The following ANKS1B variants were observed in gnomAD, a reference collection of about 807,000 sequenced individuals.
ANKS1B encodes ankyrin repeat and sterile alpha motif domain-containing protein 1B.
A neutral mutation model predicts 148.3 loss-of-function variants in ANKS1B; 36 were observed. That is an observed-to-expected ratio of 0.24 (90% CI 0.19 to 0.32). The LOEUF is 0.32. Ranked by LOEUF, ANKS1B falls within the 10% of genes least tolerant of loss-of-function variation. ANKS1B has a pLI of 1.00. For missense variants in ANKS1B, 1,157 were observed against 1,542.6 expected (o/e 0.75, Z 4.19); for synonymous variants, 542 against 560.8 (o/e 0.97, Z 0.47).
chr12:99,846,631 T>C (rs942084784), intron 1 of ANKS1B, among the ~76,000 whole-genome samples: 2 of 152,160 alleles, frequency 1.3e-5, no homozygotes, highest in Non-Finnish European at 1.5e-5. Context: ...TTGCTCACCA[T>C]AGTTTCTTGA....
At chr12:99,369,496 C>T (rs2092963938) in intron 12 of ANKS1B, among the ~76,000 whole-genome samples, 1 of 152,010 alleles carries the variant, frequency 6.6e-6, no homozygotes, top group Non-Finnish European at 1.5e-5. Flanking sequence ...GAAAAAGCAG[C>T]TGCAAGGTCA....
Position 98,894,669 on chromosome 12 carries a change from G to A in ANKS1B, c.2779-62533C>T, listed in dbSNP as rs2099760124. On this transcript the variant is annotated intron_variant, in intron 17 of 26. Transcript: ENST00000683438. ...CTGGCCGCGAGCCGGGATCCGCGAG[G>A]GCTGGCGGGCTCTGGCCCCCGAGGA... 12 of 985,660 alleles carry A rather than the reference G, an allele frequency of 1.2e-5. No homozygotes were observed. The South Asian group carries it at 1.4e-4, about 12-fold the overall frequency. The allele number at this position is 985,660 out of a possible 1,614,324, so 61.1% of individuals were successfully genotyped here.
intron 10 of ANKS1B, among the ~76,000 whole-genome samples, chr12:99,502,100 A>T (rs914523638): frequency 1.6e-4 from 25 of 152,142 alleles, no homozygotes; most frequent in African/African-American, 6.0e-4. Context: ...TTGACTACTT[A>T]ATCAATACAT....
At chr12:99,133,925 G>A (rs570367264) in intron 15 of ANKS1B, among the ~76,000 whole-genome samples, 32 of 152,244 alleles carry the variant, frequency 2.1e-4, no homozygotes, top group Admixed American at 1.3e-3. Context: ...TGTTGTTACC[G>A]TGACGGTTTC....
intron 14 of ANKS1B, among the ~76,000 whole-genome samples, chr12:99,200,399 T>C (rs918026828): frequency 6.6e-6 from 1 of 152,228 alleles, no homozygotes; most frequent in Non-Finnish European, 1.5e-5. Flanking sequence ...TTAGATAGAA[T>C]GGCTAGATGG....
intron 17 of ANKS1B, among the ~76,000 whole-genome samples, chr12:98,967,660 AGGAGG>A (rs1220431115): frequency 5.6e-5 from 1 of 17,866 alleles, no homozygotes; most frequent in Non-Finnish European, 8.8e-5. Context: ...AGGAGGGGAG[AGGAGG>A]GGAGGGGAGG....
intron 1 of ANKS1B, among the ~76,000 whole-genome samples, chr12:99,853,009 A>AT (rs2088234151): frequency 6.6e-6 from 1 of 152,168 alleles, no homozygotes; most frequent in South Asian, 2.1e-4. Flanking sequence ...CCCTGGGAAC[A>AT]TAACTCCATT....
At chr12:98,835,302 T>C (rs1481297044) in intron 17 of ANKS1B, among the ~76,000 whole-genome samples, 7 of 152,044 alleles carry the variant, frequency 4.6e-5, no homozygotes, top group Non-Finnish European at 5.9e-5. Flanking sequence ...TCAAATGTGG[T>C]TGGGAAGATG....
At chr12:99,839,609 A>G (rs1565834399) in intron 1 of ANKS1B, among the ~76,000 whole-genome samples, 1 of 152,176 alleles carries the variant, frequency 6.6e-6, no homozygotes, top group Non-Finnish European at 1.5e-5. Context: ...TAACATACTT[A>G]CATAGTGAAT....
At chr12:99,646,133 G>A (rs530718909) in intron 9 of ANKS1B, among the ~76,000 whole-genome samples, 2 of 151,118 alleles carry the variant, frequency 1.3e-5, no homozygotes, top group South Asian at 2.1e-4. Context: ...CTTTTAAAAC[G>A]TTATTTTACT....
At position 98,876,652 on chromosome 12, in the gene ANKS1B, T is replaced by C. The variant is rs1227998432; in HGVS notation, c.2779-44516A>G. Among the ~76,000 whole-genome samples the C allele has an allele frequency of 2.6e-5, 4 of 152,188 alleles. No homozygotes were observed. The South Asian group carries it at 6.2e-4, about 24-fold the overall frequency. ...TTATCCAAAGCCTGAATGGCTAAAG[T>C]GGTTATCTTTGGGTTTCTTTTGACA... On this transcript the variant is annotated intron_variant, in intron 17 of 26. Transcript: ENST00000683438.
At chr12:99,870,354 G>A (rs188608045) in intron 1 of ANKS1B, among the ~76,000 whole-genome samples, 58 of 152,186 alleles carry the variant, frequency 3.8e-4, no homozygotes, top group African/African-American at 1.1e-3. Flanking sequence ...CAGGCACCTC[G>A]GTTGATTCCA....
intron 14 of ANKS1B, among the ~76,000 whole-genome samples, chr12:99,219,232 A>T (rs1378898785): frequency 6.6e-6 from 1 of 152,186 alleles, no homozygotes; most frequent in African/African-American, 2.4e-5. Flanking sequence ...CATTTACTTT[A>T]CAAAACTTGC....
intron 12 of ANKS1B, among the ~76,000 whole-genome samples, chr12:99,354,671 A>G (rs1440680362): frequency 1.3e-5 from 2 of 152,092 alleles, no homozygotes; most frequent in Non-Finnish European, 2.9e-5. Flanking sequence ...TCGTACTACT[A>G]GGCCAAACAC....
intron 15 of ANKS1B, among the ~76,000 whole-genome samples, chr12:99,131,577 C>T (rs1456339216): frequency 6.6e-6 from 1 of 152,134 alleles, no homozygotes; most frequent in Non-Finnish European, 1.5e-5. Context: ...AGTTATTTTT[C>T]CTAATTTTTA....
chr12:99,065,609 T>TCCACCCATCCATCCATCCATCCATC, intron 16 of ANKS1B, among the ~76,000 whole-genome samples: 1 of 128,432 alleles, frequency 7.8e-6, no homozygotes, highest in African/African-American at 2.9e-5. Flanking sequence ...CATCCATCCA[T>TCCACCCATCCATCCATCCATCCATC]CCATCCATCC....
At chr12:99,742,837 C>CA (rs57232737) in intron 8 of ANKS1B, among the ~76,000 whole-genome samples, 1,464 of 119,490 alleles carry the variant, frequency 0.012, 10 homozygotes, top group Middle Eastern at 0.028. Flanking sequence ...GACTCTGTCT[C>CA]AAAAAAAAAA....
At chr12:98,994,020 T>C (rs2153314043) in intron 17 of ANKS1B, among the ~76,000 whole-genome samples, 1 of 152,352 alleles carries the variant, frequency 6.6e-6, no homozygotes, top group East Asian at 1.9e-4. Context: ...TTGTAATTAA[T>C]TAAAACACTC....
At chr12:99,208,528 G>A (rs1275566857) in intron 14 of ANKS1B, among the ~76,000 whole-genome samples, 1 of 152,086 alleles carries the variant, frequency 6.6e-6, no homozygotes, top group Non-Finnish European at 1.5e-5. Flanking sequence ...TCCAACAATT[G>A]TATGTAATCC....
Sources: gnomAD v4.1 joint callset for allele counts (sites outside exome capture counted in the v4.1 genomes callset) on GRCh38, gnomAD v4.1.1 for gene constraint, MANE v1.5 for transcripts, NCBI Gene and HGNC (gene_info 2026-07-23, HGNC 2026-07-21) for gene names.